Variants in RGS7 observed in about 807,000 individuals in gnomAD.
The protein encoded by RGS7 is regulator of G protein signaling 7, also known as regulator of G-protein signaling 7.
In RGS7, 27 loss-of-function variants were observed where a neutral mutation model predicts 81.1. That is an observed-to-expected ratio of 0.33 (90% CI 0.25 to 0.46). The LOEUF is 0.46. Ranked by LOEUF, RGS7 falls within the 20% of genes least tolerant of loss-of-function variation. The pLI, the probability that RGS7 is intolerant of heterozygous loss-of-function variation, is 1.00. For synonymous variants in RGS7, 208 were observed against 207.7 expected (o/e 1.00, Z -0.01); for missense variants, 396 against 607.4 (o/e 0.65, Z 3.66).
At chr1:240,940,691 G>A (rs1338132443) in intron 4 of RGS7, among the ~76,000 whole-genome samples, 2 of 152,170 alleles carry the variant, frequency 1.3e-5, no homozygotes, top group Non-Finnish European at 2.9e-5. Context: ...GCATAGGAAA[G>A]AGTGTGACTA....
At chr1:241,104,880 G>A (rs2065006231) in intron 2 of RGS7, among the ~76,000 whole-genome samples, 1 of 152,104 alleles carries the variant, frequency 6.6e-6, no homozygotes, top group African/African-American at 2.4e-5. Context: ...CCATAATGGA[G>A]GCTCACTTTA....
At chr1:240,877,810 T>C (rs1314660003) in intron 6 of RGS7, among the ~76,000 whole-genome samples, 1 of 152,194 alleles carries the variant, frequency 6.6e-6, no homozygotes, top group Non-Finnish European at 1.5e-5. Flanking sequence ...TCAGGGCCCA[T>C]GCACCTTTCA....
At chr1:240,790,710 G>A (rs1452930829) in intron 18 of RGS7, among the ~76,000 whole-genome samples, 1 of 152,192 alleles carries the variant, frequency 6.6e-6, no homozygotes, top group African/African-American at 2.4e-5. Flanking sequence ...GCTGCCAAAT[G>A]CTGAATACCC....
intron 2 of RGS7, among the ~76,000 whole-genome samples, chr1:241,219,740 G>A (rs1301737649): frequency 1.3e-5 from 2 of 151,900 alleles, no homozygotes; most frequent in African/African-American, 4.9e-5. Flanking sequence ...ATGCAGAAGG[G>A]GAAAGAAAGC....
intron 2 of RGS7, among the ~76,000 whole-genome samples, chr1:241,326,417 C>T (rs2081498991): frequency 1.3e-5 from 2 of 152,164 alleles, no homozygotes; most frequent in African/African-American, 4.8e-5. Flanking sequence ...AGCTATACCA[C>T]CTGCTTTCTT....
rs773245027 is a variant in RGS7 at position 240,868,655 on chromosome 1, T to C, written c.541A>G (p.Arg181Gly). Residue 181 changes from arginine (R) to glycine (G), a missense_variant, in exon 9 of 19, where the codon AGA becomes GGA. Transcript: ENST00000440928. The surrounding 1 kb of genome is among the most constrained non-coding windows in gnomAD (Gnocchi z 5.1). ...AEAQAKVDKK[R>G]DKIERKILDS... ...AGGATCTTCCTTTCAATCTTGTCTC[T>C]CTTCTTGTCCACTCTGTCAACACAG... 6.2e-7 allele frequency: 1 copy of C among 1,614,130 alleles called. No individual in the cohort carries two copies. Among genetic ancestry groups the C allele is most frequent in the South Asian group, 1.1e-5 (1 of 91,078 alleles).
chr1:241,227,411 G>T (rs1157857264), intron 2 of RGS7, among the ~76,000 whole-genome samples: 1 of 151,994 alleles, frequency 6.6e-6, no homozygotes, highest in Non-Finnish European at 1.5e-5. Context: ...CAGGCAATTG[G>T]TACGGAGCCT....
rs572961880 is a variant in RGS7 at position 240,868,945 on chromosome 1, T to G, written c.451-93A>C. The G allele has an allele frequency of 9.4e-6, 11 of 1,172,282 alleles. No individual in the cohort carries two copies. In the Admixed American group the frequency reaches 1.7e-4, roughly 18 times the overall value. The allele number at this position is 1,172,282 out of a possible 1,614,324, so 72.6% of individuals were successfully genotyped here. ...CACTTGTATTTGTCAAGGAAACAAATAGAGAGTTTCTAAAGCCCTAAGTGT... is the reference window on the plus strand; with the variant it reads ...CACTTGTATTTGTCAAGGAAACAAAGAGAGAGTTTCTAAAGCCCTAAGTGT... On this transcript the variant is annotated intron_variant, in intron 7 of 18. Coordinates refer to ENST00000440928, the MANE Select transcript of RGS7 (RefSeq NM_001364886.1). This position sits in a 1 kb window ranked among gnomAD's most constrained non-coding sequence, Gnocchi z 5.1.
intron 6 of RGS7, among the ~76,000 whole-genome samples, chr1:240,883,539 G>T (rs1234219628): frequency 6.6e-6 from 1 of 152,024 alleles, no homozygotes; most frequent in Admixed American, 6.6e-5. Context: ...CCTGGAAATT[G>T]CCTACTTACT....
intron 2 of RGS7, among the ~76,000 whole-genome samples, chr1:241,330,000 C>T (rs902471373): frequency 2.6e-5 from 4 of 151,896 alleles, no homozygotes; most frequent in South Asian, 2.1e-4. Flanking sequence ...GAGTGGGTGG[C>T]GCAATCTTGG....
At chr1:241,175,440 G>A (rs10926425) in intron 2 of RGS7, among the ~76,000 whole-genome samples, 104,013 of 151,586 alleles carry the variant, frequency 0.69, 35,749 homozygotes, top group Middle Eastern at 0.73. Context: ...CTCCATGAAT[G>A]GTCTCCCAGG....
At chr1:241,099,280 G>A (rs1248518097) in intron 2 of RGS7, among the ~76,000 whole-genome samples, 3 of 151,942 alleles carry the variant, frequency 2.0e-5, no homozygotes, top group Non-Finnish European at 1.5e-5. Flanking sequence ...CTCTTGCCCG[G>A]GTACTTACTG....
In RGS7 at chr1:240,806,127, A is replaced by G. The variant is rs1688805723; in HGVS notation, c.1269+13T>C. 3 of 1,612,022 alleles carry G rather than the reference A, an allele frequency of 1.9e-6. No individual in the cohort carries two copies. In the African/African-American group the frequency reaches 4.0e-5, roughly 22 times the overall value. Reference sequence around the variant, plus strand: ...GAAGCACGTTTGTGGTGTGAGGCTCACCGTACACCCACCTGAGCATCTTCA... The same window carrying G: ...GAAGCACGTTTGTGGTGTGAGGCTCGCCGTACACCCACCTGAGCATCTTCA... On this transcript the variant is annotated intron_variant, in intron 15 of 18. Coordinates refer to ENST00000440928, the MANE Select transcript of RGS7 (RefSeq NM_001364886.1).
In RGS7 at chr1:240,789,601, G is replaced by A. The variant is rs568687377; in HGVS notation, c.*6+11040C>T. ...TTGGGGATGGCTATCTTTTACGGTCGTAGCTGTGGGATGAAATAAGCCCTG... is the reference window on the plus strand; with the variant it reads ...TTGGGGATGGCTATCTTTTACGGTCATAGCTGTGGGATGAAATAAGCCCTG... On this transcript the variant is annotated intron_variant, in intron 18 of 18. Transcript: ENST00000440928. Among the ~76,000 whole-genome samples the A allele has an allele frequency of 3.3e-3, 510 of 152,296 alleles. 2 individuals carry two copies. Among genetic ancestry groups the A allele is most frequent in the Middle Eastern group, 6.8e-3 (2 of 294 alleles).
intron 6 of RGS7, among the ~76,000 whole-genome samples, chr1:240,883,325 TATA>T (rs1399154635): frequency 1.3e-5 from 2 of 151,962 alleles, no homozygotes; most frequent in Non-Finnish European, 2.9e-5. Flanking sequence ...AAACTTAAAG[TATA>T]ATAATAATAA....
chr1:241,200,994 T>C (rs1385244628), intron 2 of RGS7, among the ~76,000 whole-genome samples: 1 of 152,178 alleles, frequency 6.6e-6, no homozygotes, highest in Non-Finnish European at 1.5e-5. Flanking sequence ...GATACATCAG[T>C]CCCAATCTAT....
At chr1:241,089,788 G>T (rs929318972) in intron 3 of RGS7, among the ~76,000 whole-genome samples, 1 of 151,980 alleles carries the variant, frequency 6.6e-6, no homozygotes, top group Admixed American at 6.6e-5. Flanking sequence ...GGCAGATCAC[G>T]AGGTCAGGAG....
At chr1:240,890,404 G>A (rs1004840456) in intron 6 of RGS7, among the ~76,000 whole-genome samples, 4 of 152,148 alleles carry the variant, frequency 2.6e-5, no homozygotes, top group African/African-American at 9.7e-5. Flanking sequence ...GCCCACCTTG[G>A]CCTCCTAAAG....
chr1:241,132,375 T>G (rs931675481), intron 2 of RGS7: 3 of 154,728 alleles, frequency 1.9e-5, no homozygotes, highest in African/African-American at 4.8e-5. Context: ...GGAGCACCTA[T>G]GCTGGGCCAG....
Sources: gnomAD v4.1 joint callset for allele counts (sites outside exome capture counted in the v4.1 genomes callset) on GRCh38, gnomAD v4.1.1 for gene constraint, Gnocchi (gnomAD v3.1) non-coding constraint, MANE v1.5 for transcripts, NCBI Gene and HGNC (gene_info 2026-07-23, HGNC 2026-07-21) for gene names.